Variants in NUP160 observed in about 807,000 individuals in gnomAD.
NUP160 encodes nuclear pore complex protein Nup160.
Under a neutral mutation model 196.9 loss-of-function variants are expected in NUP160, and 94 were observed. The observed-to-expected ratio is 0.48, with a 90% CI of 0.40 to 0.57. The LOEUF (loss-of-function observed/expected upper bound fraction) is 0.57, where lower values mean the gene tolerates loss of function less well. Among genes scored for constraint, NUP160 ranks in the 20% least tolerant of loss-of-function variants. The pLI, the probability that NUP160 is intolerant of heterozygous loss-of-function variation, is 0.00. For missense variants in NUP160, 1,638 were observed against 1,748.3 expected (o/e 0.94, Z 1.13); for synonymous variants, 605 against 619.7 (o/e 0.98, Z 0.35).
chr11:47,810,468 G>GGTAT (rs1297185092), intron 17 of NUP160, among the ~76,000 whole-genome samples: 1 of 151,988 alleles, frequency 6.6e-6, no homozygotes, highest in Non-Finnish European at 1.5e-5. Context: ...TGGGACTATA[G>GGTAT]GTATGAGCCA....
intron 21 of NUP160, chr11:47,804,245 T>C (rs913596114): frequency 7.6e-6 from 2 of 264,630 alleles, no homozygotes; most frequent in Admixed American, 1.1e-4. Context: ...CAGAGAGAAG[T>C]AGAGAAAAAT....
At chr11:47,784,948 G>A in exon 33 of NUP160, 1 of 1,600,930 alleles carries the variant, frequency 6.2e-7, no homozygotes, top group South Asian at 1.1e-5. Flanking sequence ...AGCCAATTAG[G>A]CAGAGGCACT....
At chr11:47,801,699 T>C (rs2097674281) in intron 23 of NUP160, 112 bp downstream of exon 23, 1 of 1,034,230 alleles carries the variant, frequency 9.7e-7, no homozygotes. Flanking sequence ...AATTTGGAAG[T>C]TCAGGGAGCA....
intron 15 of NUP160, 56 bp downstream of exon 15, chr11:47,812,826 G>A: frequency 6.8e-7 from 1 of 1,468,764 alleles, no homozygotes; most frequent in African/African-American, 1.4e-5. Flanking sequence ...TCCAACTTTG[G>A]CGCTAAAAAT....
exon 7 of NUP160, chr11:47,835,775 T>C (rs1479128839): frequency 6.3e-7 from 1 of 1,599,028 alleles, no homozygotes; most frequent in South Asian, 1.1e-5. Context: ...AGGGACATAC[T>C]CCAGCATGTC....
Position 47,812,471 on chromosome 11 carries a change from C to G in NUP160, c.1953-42G>C, listed in dbSNP as rs781633017. The G allele has an allele frequency of 3.2e-6, 5 of 1,583,636 alleles. 1 individual carries two copies. The South Asian group carries it at 5.7e-5, about 18-fold the overall frequency. On this transcript the variant is annotated intron_variant, in intron 15 of 35. Transcript: ENST00000378460. ...AAAACTCTTATTACTACCGAGAATA[C>G]GTAAGGCAAGTTCTATATGTCCTAT... is the stretch of plus-strand genomic sequence containing the variant.
chr11:47,823,448 T>A (rs1397581286), intron 7 of NUP160, among the ~76,000 whole-genome samples: 1 of 152,184 alleles, frequency 6.6e-6, no homozygotes. Context: ...GGGTCATATA[T>A]TATTTGTGTT....
intron 17 of NUP160, among the ~76,000 whole-genome samples, chr11:47,808,897 C>T (rs146587710): frequency 4.6e-5 from 7 of 151,642 alleles, no homozygotes; most frequent in Admixed American, 6.6e-5. Flanking sequence ...CCCAAAATTT[C>T]GAGACCAGAC....
chr11:47,844,984 T>A (rs1364518375), intron 2 of NUP160, among the ~76,000 whole-genome samples: 1 of 152,142 alleles, frequency 6.6e-6, no homozygotes, highest in Non-Finnish European at 1.5e-5. Flanking sequence ...CATGACAGTT[T>A]ACAAATGCCA....
intron 23 of NUP160, among the ~76,000 whole-genome samples, chr11:47,799,856 G>A (rs1480251489): frequency 6.6e-6 from 1 of 152,102 alleles, no homozygotes; most frequent in African/African-American, 2.4e-5. Flanking sequence ...TAATGGACCT[G>A]GAAAATTCTT....
intron 13 of NUP160, 134 bp downstream of exon 13, chr11:47,815,345 T>C: frequency 7.3e-6 from 4 of 549,526 alleles, no homozygotes; most frequent in Non-Finnish European, 1.2e-5. Context: ...TGCAAAGTCC[T>C]AAATGCTAAC....
chr11:47,818,913 G>A (rs1409170826), intron 10 of NUP160, among the ~76,000 whole-genome samples: 1 of 152,104 alleles, frequency 6.6e-6, no homozygotes, highest in African/African-American at 2.4e-5. Context: ...TTCTACTCCT[G>A]CAAATAGTCA....
chr11:47,838,135 AT>A (rs1165954481), intron 4 of NUP160, among the ~76,000 whole-genome samples: 1 of 152,170 alleles, frequency 6.6e-6, no homozygotes, highest in Non-Finnish European at 1.5e-5. Flanking sequence ...GGGCACTGCA[AT>A]TTTGAAAAGG....
chr11:47,836,949 C>G, exon 6 of NUP160: 1 of 1,613,806 alleles, frequency 6.2e-7, no homozygotes. Context: ...GCATCATGCT[C>G]CACACAATGA....
At chr11:47,827,279 G>A (rs944836140) in intron 7 of NUP160, 7 of 388,206 alleles carry the variant, frequency 1.8e-5, no homozygotes, top group Admixed American at 5.9e-5. Context: ...TGGGAGGATC[G>A]CTTGAACCTG....
At chr11:47,826,148 A>C (rs1037906311) in intron 7 of NUP160, among the ~76,000 whole-genome samples, 17 of 150,904 alleles carry the variant, frequency 1.1e-4, no homozygotes, top group Non-Finnish European at 2.4e-4. Context: ...TTAAACAAAC[A>C]AACAAACAAA....
intron 7 of NUP160, among the ~76,000 whole-genome samples, chr11:47,834,070 C>A (rs1368415982): frequency 6.6e-6 from 1 of 152,138 alleles, no homozygotes; most frequent in Non-Finnish European, 1.5e-5. Flanking sequence ...TTGGGGATTA[C>A]CCCCCAAAAC....
intron 11 of NUP160, among the ~76,000 whole-genome samples, chr11:47,817,624 C>T (rs1437560179): frequency 1.3e-5 from 2 of 152,130 alleles, no homozygotes; most frequent in East Asian, 1.9e-4. Context: ...GGATTACAGG[C>T]GTGAGCCACC....
At chr11:47,820,810 A>G (rs558273787) in intron 9 of NUP160, among the ~76,000 whole-genome samples, 59 of 152,152 alleles carry the variant, frequency 3.9e-4, no homozygotes, top group African/African-American at 1.4e-3. Context: ...TCAGCCTCCC[A>G]AAGTACTGGG....
Sources: allele counts gnomAD v4.1 joint callset (sites outside exome capture counted in the v4.1 genomes callset), GRCh38; gene constraint gnomAD v4.1.1; transcripts MANE v1.5; gene names NCBI Gene and HGNC (gene_info 2026-07-23, HGNC 2026-07-21).